The following SLC9A8 variants were observed in gnomAD, a reference collection of about 807,000 sequenced individuals.
The protein encoded by SLC9A8 is sodium/hydrogen exchanger 8.
Under a neutral mutation model 66.6 loss-of-function variants are expected in SLC9A8, and 48 were observed. The ratio of observed to expected loss-of-function variants is 0.72; its 90% CI spans 0.57 to 0.92. The LOEUF (loss-of-function observed/expected upper bound fraction) is 0.92. Ranked by LOEUF, SLC9A8 falls within the 40% of genes least tolerant of loss-of-function variation. The probability of loss-of-function intolerance (pLI) is 0.00; values close to 1 mark genes in which losing one functional copy is unlikely to be tolerated. For synonymous variants in SLC9A8, 274 were observed against 282.6 expected (o/e 0.97, Z 0.31); for missense variants, 599 against 747.3 (o/e 0.80, Z 2.31).
chr20:49,826,331 A>G (rs1373684432), intron 3 of SLC9A8, among the ~76,000 whole-genome samples: 1 of 152,238 alleles, frequency 6.6e-6, no homozygotes, highest in Non-Finnish European at 1.5e-5. Context: ...ATATTGAGAT[A>G]TCTACCATTT....
At chr20:49,836,135 A>G (rs6020077) in intron 3 of SLC9A8, among the ~76,000 whole-genome samples, 2 of 151,938 alleles carry the variant, frequency 1.3e-5, no homozygotes, top group Non-Finnish European at 2.9e-5. Context: ...AGATTTGTCT[A>G]TTGTGGACAT....
chr20:49,884,334 A>ACACACACACACACACACACACACCCACC (rs1568884594), intron 14 of SLC9A8, among the ~76,000 whole-genome samples: 1 of 124,376 alleles, frequency 8.0e-6, no homozygotes, highest in Non-Finnish European at 1.7e-5. Flanking sequence ...ACACACACAC[A>ACACACACACACACACACACACACCCACC]CACCCCCCGG....
In SLC9A8 at chr20:49,864,555, A is replaced by G. The variant is rs142878218; in HGVS notation, c.853-184A>G. Among the ~76,000 whole-genome samples, 102 of 152,306 alleles carry G rather than the reference A, an allele frequency of 6.7e-4. 2 individuals are homozygous for G. In the East Asian group the frequency reaches 0.019, roughly 28 times the overall value. On this transcript the variant is annotated intron_variant, in intron 9 of 15. Coordinates refer to ENST00000361573, the MANE Select transcript of SLC9A8 (RefSeq NM_015266.3). Reference sequence around the variant, plus strand: ...AGTGTTTTGTCAGATTCCCTTTCTTATAGCAACAGTCTCCCTACAAAGGAA... The same window carrying G: ...AGTGTTTTGTCAGATTCCCTTTCTTGTAGCAACAGTCTCCCTACAAAGGAA...
At chr20:49,884,463 G>C (rs2089819531) in intron 14 of SLC9A8, among the ~76,000 whole-genome samples, 1 of 152,026 alleles carries the variant, frequency 6.6e-6, no homozygotes, top group African/African-American at 2.4e-5. Context: ...GACCCCATCT[G>C]CTCCCTCTCT....
At chr20:49,841,226 A>T (rs553753444) in intron 4 of SLC9A8, among the ~76,000 whole-genome samples, 114 of 151,594 alleles carry the variant, frequency 7.5e-4, no homozygotes, top group African/African-American at 2.7e-3. Flanking sequence ...GGATCGCTTG[A>T]GCCCAGGAGG....
chr20:49,847,818 TA>T (rs1226451884), intron 5 of SLC9A8, among the ~76,000 whole-genome samples: 1 of 151,880 alleles, frequency 6.6e-6, no homozygotes, highest in Non-Finnish European at 1.5e-5. Flanking sequence ...TTAACTTGGG[TA>T]AATGTTCAGG....
chr20:49,859,007 C>G (rs1248032642), intron 8 of SLC9A8, among the ~76,000 whole-genome samples: 1 of 152,058 alleles, frequency 6.6e-6, no homozygotes, highest in Admixed American at 6.6e-5. Context: ...GGTAACAGTT[C>G]CCACAGTTGG....
chr20:49,857,822 ACATTTGCCCAGTTTTTGCCCTGTT>A (rs1334662530), intron 8 of SLC9A8, among the ~76,000 whole-genome samples: 7 of 147,718 alleles, frequency 4.7e-5, no homozygotes, highest in African/African-American at 7.3e-5. Context: ...TGTTTTCACC[ACATTTGCCCAGTTTTTGCCCTGTT>A]TTTGCCCTTC....
rs1373126842 is a variant in SLC9A8 at position 49,812,937 on chromosome 20, G to A, written c.15G>A (p.Met5Ile). The A allele has an allele frequency of 2.0e-6, 3 of 1,471,994 alleles. No individual in the cohort carries two copies. The highest frequency in any genetic ancestry group is 1.5e-5 in the African/African-American group (1 of 67,576). 91.2% of individuals were successfully genotyped at this position (1,471,994 alleles called of 1,614,324 possible). A position where few individuals can be genotyped will look rare whatever the true frequency, so the allele number is the denominator to read the frequency against. ...AGCTCCGCAGGATGGGGGAGAAGAT[G>A]GCGGAAGAGGAGTGAGTGGGCTTTT... MGEK[M>I]AEEERFPNTT... The change falls in exon 1 of 16, where the codon ATG becomes ATA. Residue 5 changes from methionine (M) to isoleucine (I), a missense_variant. By Grantham distance (10) the Met-to-Ile change is conservative. This residue lies in a region of SLC9A8 where 132 missense variants were observed against 120.9 expected (regional missense o/e 1.09). Transcript: ENST00000361573.
chr20:49,849,831 G>A, intron 6 of SLC9A8, 151 bp downstream of exon 6: 1 of 657,040 alleles, frequency 1.5e-6, no homozygotes, highest in Non-Finnish European at 2.7e-6. Context: ...CTTCATATGA[G>A]GCACAGTAGA....
chr20:49,859,698 TTC>T (rs2088656727), intron 8 of SLC9A8, among the ~76,000 whole-genome samples: 1 of 152,170 alleles, frequency 6.6e-6, no homozygotes, highest in African/African-American at 2.4e-5. Flanking sequence ...AGCAAATGTC[TTC>T]TGTTTCTTCG....
In SLC9A8 at chr20:49,863,033, C is replaced by T. The variant is rs1292322879; in HGVS notation, c.818C>T (p.Ala273Val). The T allele has an allele frequency of 8.1e-6, 13 of 1,613,612 alleles. No homozygotes were observed. Among genetic ancestry groups the T allele is most frequent in the Middle Eastern group, 1.6e-4 (1 of 6,084 alleles). ...YFLKMFFGSA[A>V]LGTLTGLISA... ...CTCAAAATGTTCTTTGGCTCTGCAG[C>T]GCTCGGCACTCTCACTGGCTTAATT... The change falls in exon 9 of 16, where the codon GCG becomes GTG. Residue 273 changes from alanine to valine, a missense_variant. This residue lies in a region of SLC9A8 where 467 missense variants were observed against 626.5 expected (regional missense o/e 0.75). Transcript: ENST00000361573.
rs35043669 is a variant in SLC9A8, at chr20:49,844,619, TAAAAA to T, written c.349-390_349-386del. ...GGCAACATAGCGGGACCCTGTATCTTAAAAAAAAAAAAAAAAAAAAAAAAAAAAAA... is the reference window on the plus strand; with the variant it reads ...GGCAACATAGCGGGACCCTGTATCTTAAAAAAAAAAAAAAAAAAAAAAAAA... On this transcript the variant is annotated intron_variant, in intron 4 of 15. Coordinates refer to ENST00000361573, the MANE Select transcript of SLC9A8 (RefSeq NM_015266.3). Among the ~76,000 whole-genome samples, 18 of 106,046 alleles carry T rather than the reference TAAAAA, an allele frequency of 1.7e-4. No individual in the cohort carries two copies. The South Asian group carries it at 4.5e-3, about 27-fold the overall frequency. The allele number at this position is 106,046 out of a possible 152,430, so 69.6% of individuals were successfully genotyped here.
intron 2 of SLC9A8, among the ~76,000 whole-genome samples, chr20:49,817,057 G>C (rs545461279): frequency 4.0e-5 from 6 of 148,876 alleles, no homozygotes; most frequent in African/African-American, 1.5e-4. Flanking sequence ...GCCGGGCGCC[G>C]TGGCTCACAC....
At chr20:49,832,533 A>G (rs1268103769) in intron 3 of SLC9A8, among the ~76,000 whole-genome samples, 10 of 152,188 alleles carry the variant, frequency 6.6e-5, no homozygotes, top group Admixed American at 6.5e-4. Context: ...TAATTTGCAG[A>G]AGACCAGCAC....
Position 49,823,059 on chromosome 20 carries a change from A to G in SLC9A8, c.209-2A>G. On this transcript the variant is annotated splice_acceptor_variant, in intron 2 of 15. Coordinates refer to ENST00000361573, the MANE Select transcript of SLC9A8 (RefSeq NM_015266.3). LOFTEE classifies it high-confidence loss of function. ...AACATTGTATTATTTTTTTTTCCAC[A>G]GCTATCTGCATCATATTGGTGCATT... 6.2e-7 allele frequency: 1 copy of G among 1,608,470 alleles called. No individual in the cohort carries two copies. The highest frequency in any genetic ancestry group is 8.5e-7 in the Non-Finnish European group (1 of 1,175,784).
chr20:49,833,140 G>A (rs1202326791), intron 3 of SLC9A8, among the ~76,000 whole-genome samples: 1 of 152,126 alleles, frequency 6.6e-6, no homozygotes, highest in Non-Finnish European at 1.5e-5. Context: ...TCCTGACCTC[G>A]TGATCCGCCC....
At chr20:49,852,722 A>G (rs1488602463) in intron 7 of SLC9A8, among the ~76,000 whole-genome samples, 1 of 152,194 alleles carries the variant, frequency 6.6e-6, no homozygotes, top group Non-Finnish European at 1.5e-5. Context: ...AGACCTCTCA[A>G]TGATTCAGCA....
chr20:49,885,339 T>G (rs73125685), intron 14 of SLC9A8, among the ~76,000 whole-genome samples: 12,511 of 152,228 alleles, frequency 0.082, 542 homozygotes, highest in African/African-American at 0.11. Flanking sequence ...TTCTTATTTA[T>G]TTTTGAGACA....
Sources: gnomAD v4.1 joint callset for allele counts (sites outside exome capture counted in the v4.1 genomes callset) on GRCh38, gnomAD v4.1.1 for gene constraint, gnomAD v4.1.1 regional missense constraint, MANE v1.5 for transcripts, NCBI Gene and HGNC (gene_info 2026-07-23, HGNC 2026-07-21) for gene names.